ABCB1: variants seen among roughly 807,000 people sequenced by gnomAD.
ABCB1 encodes the protein ATP binding cassette subfamily B member 1.
Under a neutral mutation model 142.0 loss-of-function variants are expected in ABCB1, and 69 were observed. The observed-to-expected ratio is 0.49, with a 90% CI of 0.40 to 0.59. ABCB1 has a LOEUF of 0.59. Ranked by LOEUF, ABCB1 falls within the 20% of genes least tolerant of loss-of-function variation. ABCB1 has a pLI of 0.00. For synonymous variants in ABCB1, 532 were observed against 539.2 expected, an observed-to-expected ratio of 0.99 and a Z score of 0.18; for missense variants, 1,326 against 1,554.7, an observed-to-expected ratio of 0.85 and a Z score of 2.47.
At chr7:87,550,637 T>G (rs921641406) in intron 10 of ABCB1, 59 bp from the exon 11 acceptor site, 5 of 1,581,178 alleles carry the variant, frequency 3.2e-6, no homozygotes, top group Non-Finnish European at 2.6e-6. Context: ...TTAGTGATAT[T>G]TTGTGGAGAG....
chr7:87,673,909 G>A (rs1207947407), intron 1 of ABCB1, among the ~76,000 whole-genome samples: 1 of 152,092 alleles, frequency 6.6e-6, no homozygotes, highest in Non-Finnish European at 1.5e-5. Context: ...TGATGCCCTT[G>A]GGTGTTTGAT....
At chr7:87,692,607 A>C (rs1018453508) in intron 1 of ABCB1, among the ~76,000 whole-genome samples, 2 of 152,192 alleles carry the variant, frequency 1.3e-5, no homozygotes, top group East Asian at 3.8e-4. Flanking sequence ...AATTTCTTTA[A>C]GTCAGATTTT....
At position 87,584,221 on chromosome 7, in the gene ABCB1, G is replaced by T. The variant is rs573654846; in HGVS notation, c.286+1291C>A. On this transcript the variant is annotated intron_variant, in intron 4 of 27. Transcript: ENST00000622132. ...AATGTACTTTTTAGGGTCATGAAGT[G>T]GTTCTGAGGACCCACTGACAAGTAT... is the stretch of plus-strand genomic sequence containing the variant. 9.9e-5 allele frequency among the ~76,000 whole-genome samples: 15 copies of T among 152,158 alleles called. 1 individual carries two copies. In the South Asian group the frequency reaches 2.9e-3, roughly 29 times the overall value.
chr7:87,547,791 C>A (rs1816850053), intron 14 of ABCB1, among the ~76,000 whole-genome samples: 2 of 134,812 alleles, frequency 1.5e-5, no homozygotes, highest in Non-Finnish European at 3.0e-5. Flanking sequence ...GCAGAGGTTG[C>A]AGTGAGCCAA....
At chr7:87,669,290 T>C (rs1825596769) in intron 1 of ABCB1, among the ~76,000 whole-genome samples, 1 of 152,158 alleles carries the variant, frequency 6.6e-6, no homozygotes, top group Admixed American at 6.5e-5. Context: ...TGAATTCAGA[T>C]TGCAATCCCT....
Position 87,568,242 on chromosome 7 carries a change from C to CAATAAT in ABCB1, c.339-1272_339-1267dup, listed in dbSNP as rs112610351. On this transcript the variant is annotated intron_variant, in intron 5 of 27. Transcript: ENST00000622132. The stretch of plus-strand genomic sequence containing the variant: ...AATCCCGTCTCTACTAAAAATACGA[C>CAATAAT]AATAATAATAATAATAATAATAATA... 3.3e-3 allele frequency among the ~76,000 whole-genome samples: 448 copies of CAATAAT among 135,954 alleles called. 2 individuals are homozygous for CAATAAT. The highest frequency in any genetic ancestry group is 6.4e-3 in the African/African-American group (232 of 36,530). 89.2% of individuals were successfully genotyped at this position (135,954 alleles called of 152,430 possible). A position where few individuals can be genotyped will look rare whatever the true frequency, so the allele number is the denominator to read the frequency against.
chr7:87,626,148 ATT>A (rs1491096604), intron 1 of ABCB1, among the ~76,000 whole-genome samples: 4 of 120,368 alleles, frequency 3.3e-5, no homozygotes, highest in Non-Finnish European at 5.0e-5. Context: ...TGTCATATAT[ATT>A]GTCATATATA....
At chr7:87,686,839 G>A (rs1220586708) in intron 1 of ABCB1, among the ~76,000 whole-genome samples, 1 of 151,470 alleles carries the variant, frequency 6.6e-6, no homozygotes, top group Non-Finnish European at 1.5e-5. Context: ...CAGCTACTTG[G>A]GAGGCTAAGG....
At chr7:87,632,264 A>G (rs10231033) in intron 1 of ABCB1, among the ~76,000 whole-genome samples, 7,346 of 152,272 alleles carry the variant, frequency 0.048, 261 homozygotes, top group East Asian at 0.09. Flanking sequence ...TTATGTTTAA[A>G]GCTTTATTCA....
intron 21 of ABCB1, 102 bp downstream of exon 21, chr7:87,531,192 A>C (rs931003486): frequency 1.9e-6 from 2 of 1,051,322 alleles, no homozygotes; most frequent in African/African-American, 3.2e-5. Flanking sequence ...AATGGTTATA[A>C]ACACATTCTT....
chr7:87,628,744 C>T (rs899641996), intron 1 of ABCB1: 4 of 900,124 alleles, frequency 4.4e-6, no homozygotes, highest in Non-Finnish European at 5.9e-6. Context: ...CGGTTGCGGA[C>T]CGAGCGAGAA....
chr7:87,666,504 T>C (rs1488791391), intron 1 of ABCB1, among the ~76,000 whole-genome samples: 1 of 152,160 alleles, frequency 6.6e-6, no homozygotes, highest in African/African-American at 2.4e-5. Flanking sequence ...TTAGATCCAT[T>C]TGTCAATTTT....
At chr7:87,632,110 A>G (rs1821280901) in intron 1 of ABCB1, among the ~76,000 whole-genome samples, 1 of 151,528 alleles carries the variant, frequency 6.6e-6, no homozygotes, top group Non-Finnish European at 1.5e-5. Context: ...CATTTACAAA[A>G]CCAAAAAAAA....
chr7:87,657,415 A>C (rs943516340), intron 1 of ABCB1, among the ~76,000 whole-genome samples: 1 of 152,216 alleles, frequency 6.6e-6, no homozygotes, highest in Admixed American at 6.5e-5. Context: ...ACACAAAAAA[A>C]CCGTAGTACC....
At chr7:87,616,741 A>T (rs1820044158) in intron 1 of ABCB1, among the ~76,000 whole-genome samples, 1 of 152,228 alleles carries the variant, frequency 6.6e-6, no homozygotes, top group South Asian at 2.1e-4. Flanking sequence ...CATAGAAATT[A>T]TACAGTTTTC....
At chr7:87,672,492 C>A (rs1825925129) in intron 1 of ABCB1, among the ~76,000 whole-genome samples, 1 of 152,102 alleles carries the variant, frequency 6.6e-6, no homozygotes, top group Non-Finnish European at 1.5e-5. Flanking sequence ...GGAAGTGGGG[C>A]CTGTAGGTTT....
intron 1 of ABCB1, among the ~76,000 whole-genome samples, chr7:87,621,458 G>A (rs1426415255): frequency 6.6e-6 from 1 of 152,004 alleles, no homozygotes; most frequent in Non-Finnish European, 1.5e-5. Context: ...GGAAAAATTA[G>A]GCTCTTTCAC....
At chr7:87,594,354 G>A (rs141385408) in intron 3 of ABCB1, among the ~76,000 whole-genome samples, 8 of 152,202 alleles carry the variant, frequency 5.3e-5, no homozygotes, top group African/African-American at 1.7e-4. Flanking sequence ...ACAATGCTTG[G>A]CACACAGTGC....
chr7:87,581,597 G>T (rs1224063923), intron 4 of ABCB1, among the ~76,000 whole-genome samples: 1 of 152,110 alleles, frequency 6.6e-6, no homozygotes, highest in Non-Finnish European at 1.5e-5. Flanking sequence ...CAGGAAATCT[G>T]GTCCACAGTA....
Sources: gnomAD v4.1 joint callset for allele counts (sites outside exome capture counted in the v4.1 genomes callset) on GRCh38, gnomAD v4.1.1 for gene constraint, MANE v1.5 for transcripts, NCBI Gene and HGNC (gene_info 2026-07-23, HGNC 2026-07-21) for gene names.